Variants in PTPRD observed in about 807,000 individuals in gnomAD.
PTPRD encodes the protein receptor-type tyrosine-protein phosphatase delta.
In PTPRD, 34 loss-of-function variants were observed where a neutral mutation model predicts 214.5. That is an observed-to-expected ratio of 0.16 (90% CI 0.12 to 0.21). PTPRD has a LOEUF of 0.21. PTPRD is among the 10% of genes least tolerant of loss of function. The pLI is 1.00. For synonymous variants in PTPRD, 1,128 were observed against 845.7 expected, an observed-to-expected ratio of 1.33 and a Z score of -5.79; for missense variants, 2,545 against 2,398.7, an observed-to-expected ratio of 1.06 and a Z score of -1.27.
At chr9:8,967,111 T>A (rs2099201207) in intron 11 of PTPRD, among the ~76,000 whole-genome samples, 1 of 151,426 alleles carries the variant, frequency 6.6e-6, no homozygotes, top group Admixed American at 6.6e-5. Context: ...CTCACACTAG[T>A]CAGAATGACA....
At chr9:10,410,270 T>TACAC (rs1555303988) in intron 2 of PTPRD, among the ~76,000 whole-genome samples, 2 of 139,848 alleles carry the variant, frequency 1.4e-5, no homozygotes, top group Non-Finnish European at 1.5e-5. Flanking sequence ...TATATATATA[T>TACAC]ACACACACAC....
At position 8,344,325 on chromosome 9, in the gene PTPRD, A is replaced by G. The variant is rs567763958; in HGVS notation, c.4662-2347T>C. On this transcript the variant is annotated intron_variant, in intron 39 of 45. Coordinates refer to ENST00000381196, the MANE Select transcript of PTPRD (RefSeq NM_002839.4). ...GCAGGACTATTTTCTCAAAATATGC[A>G]TCAGGGACCATTCAAATGTCTGGAT... 1.1e-3 allele frequency among the ~76,000 whole-genome samples: 166 copies of G among 152,184 alleles called. 1 individual carries two copies. The highest frequency in any genetic ancestry group is 3.9e-3 in the African/African-American group (163 of 41,548).
chr9:10,517,909 G>T (rs1224376238), intron 2 of PTPRD, among the ~76,000 whole-genome samples: 2 of 152,110 alleles, frequency 1.3e-5, no homozygotes, highest in African/African-American at 2.4e-5. Context: ...TTTTCTATAT[G>T]CTGAAAGATC....
intron 8 of PTPRD, among the ~76,000 whole-genome samples, chr9:9,482,024 G>T (rs188854562): frequency 1.3e-5 from 2 of 152,124 alleles, no homozygotes; most frequent in East Asian, 3.9e-4. Flanking sequence ...GTTCTTAACA[G>T]TCTCTGGGGA....
At chr9:9,638,494 T>A (rs1564222885) in intron 7 of PTPRD, among the ~76,000 whole-genome samples, 3 of 152,212 alleles carry the variant, frequency 2.0e-5, no homozygotes, top group Admixed American at 1.3e-4. Context: ...AAGTCTTCAC[T>A]GACATGATCA....
At chr9:8,713,624 C>A (rs1780481213) in intron 12 of PTPRD, 4 of 1,536,522 alleles carry the variant, frequency 2.6e-6, no homozygotes, top group Non-Finnish European at 2.7e-6. Context: ...ACCGCGGGCG[C>A]TGTCACCCAG....
chr9:10,373,704 GTTC>G (rs1444825354), intron 2 of PTPRD, among the ~76,000 whole-genome samples: 1 of 151,918 alleles, frequency 6.6e-6, no homozygotes, highest in Non-Finnish European at 1.5e-5. Flanking sequence ...TCCAATATCT[GTTC>G]TTCTTACCTT....
chr9:8,455,698 T>C (rs1279213837), intron 33 of PTPRD, among the ~76,000 whole-genome samples: 1 of 152,226 alleles, frequency 6.6e-6, no homozygotes, highest in Admixed American at 6.5e-5. Flanking sequence ...TTAATTCTTC[T>C]TATTCTTAAT....
intron 3 of PTPRD, among the ~76,000 whole-genome samples, chr9:10,056,219 G>A (rs2097644798): frequency 1.3e-5 from 2 of 151,820 alleles, no homozygotes; most frequent in South Asian, 2.1e-4. Context: ...TAGTCAGCAG[G>A]CTGAGGCAGG....
intron 8 of PTPRD, among the ~76,000 whole-genome samples, chr9:9,404,707 A>G (rs1207593204): frequency 6.6e-6 from 1 of 152,110 alleles, no homozygotes; most frequent in Non-Finnish European, 1.5e-5. Flanking sequence ...GTCTAGGACT[A>G]GAGATAAACA....
rs543578066 is a variant in PTPRD, at chr9:9,730,367, G to A, written c.-287+4166C>T. Among the ~76,000 whole-genome samples the A allele has an allele frequency of 3.9e-5, 6 of 152,146 alleles. No homozygotes were observed. In the South Asian group the frequency reaches 6.2e-4, roughly 16 times the overall value. On this transcript the variant is annotated intron_variant, in intron 7 of 45. Transcript: ENST00000381196. ...TGAAACAGCCATTAATCATCATTGCGTGACTGCAGAAGGGTTAAGTGGGTT... is the reference window on the plus strand; with the variant it reads ...TGAAACAGCCATTAATCATCATTGCATGACTGCAGAAGGGTTAAGTGGGTT...
intron 10 of PTPRD, among the ~76,000 whole-genome samples, chr9:9,070,388 C>T (rs1404318790): frequency 1.3e-5 from 2 of 151,926 alleles, no homozygotes; most frequent in Admixed American, 6.6e-5. Flanking sequence ...ATATATGTTC[C>T]CATTCTCATT....
intron 9 of PTPRD, among the ~76,000 whole-genome samples, chr9:9,252,106 G>GGGTA (rs1185885378): frequency 1.3e-5 from 2 of 151,832 alleles, no homozygotes; most frequent in African/African-American, 2.4e-5. Context: ...ATACTCCCTG[G>GGGTA]GGTACTCTGT....
intron 7 of PTPRD, among the ~76,000 whole-genome samples, chr9:9,710,823 T>A (rs915585407): frequency 6.6e-6 from 1 of 152,130 alleles, no homozygotes; most frequent in Admixed American, 6.6e-5. Context: ...AGAATAATGT[T>A]ATTTCATTCA....
intron 2 of PTPRD, among the ~76,000 whole-genome samples, chr9:10,547,757 A>G (rs2060469595): frequency 6.6e-6 from 1 of 152,034 alleles, no homozygotes; most frequent in Admixed American, 6.6e-5. Context: ...AAAATATAGA[A>G]GAGGTGGAAG....
intron 11 of PTPRD, among the ~76,000 whole-genome samples, chr9:8,828,567 C>G (rs563587203): frequency 6.0e-4 from 92 of 152,198 alleles, no homozygotes; most frequent in African/African-American, 2.0e-3. Flanking sequence ...CTCAAAGAGA[C>G]TAAGATGTTA....
At chr9:9,651,834 T>G (rs1038951264) in intron 7 of PTPRD, among the ~76,000 whole-genome samples, 2 of 129,718 alleles carry the variant, frequency 1.5e-5, no homozygotes, top group African/African-American at 2.9e-5. Context: ...TTGTTTTTTT[T>G]TTTTTTTTTT....
chr9:9,666,810 C>G (rs2096731950), intron 7 of PTPRD, among the ~76,000 whole-genome samples: 1 of 151,940 alleles, frequency 6.6e-6, no homozygotes. Flanking sequence ...AATAATCTAT[C>G]AACTCTAAGG....
rs1260692752 is a variant in PTPRD, at chr9:10,461,628, T to TC, written c.-599-120612_-599-120611insG. 2.6e-5 allele frequency among the ~76,000 whole-genome samples: 4 copies of TC among 151,660 alleles called. No homozygotes were observed. In the East Asian group the frequency reaches 7.7e-4, roughly 29 times the overall value. On this transcript the variant is annotated intron_variant, in intron 2 of 45. Coordinates refer to ENST00000381196, the MANE Select transcript of PTPRD (RefSeq NM_002839.4). ...TCTTCCTTGCATGACATTCTTTTTTTTTTTTTTTTTTTAAGATGGAGTCTC... is the reference window on the plus strand; with the variant it reads ...TCTTCCTTGCATGACATTCTTTTTTTCTTTTTTTTTTTTAAGATGGAGTCTC...
Sources: gnomAD v4.1 joint callset for allele counts (sites outside exome capture counted in the v4.1 genomes callset) on GRCh38, gnomAD v4.1.1 for gene constraint, MANE v1.5 for transcripts, NCBI Gene and HGNC (gene_info 2026-07-23, HGNC 2026-07-21) for gene names.